The following LAMA2 variants were observed in gnomAD, a reference collection of about 807,000 sequenced individuals.
LAMA2 encodes the protein laminin subunit alpha-2.
LAMA2 carries 269 observed loss-of-function variants against 364.8 expected under a neutral mutation model. The observed-to-expected ratio is 0.74, with a 90% CI of 0.67 to 0.82. The LOEUF is 0.82. Among genes scored for constraint, LAMA2 ranks in the 40% least tolerant of loss-of-function variants. LAMA2 has a pLI of 0.00. For synonymous variants in LAMA2, 1,379 were observed against 1,370.6 expected (o/e 1.01, Z -0.14); for missense variants, 3,807 against 3,873.2 (o/e 0.98, Z 0.45).
Position 128,883,482 on chromosome 6 carries a change from T to A in LAMA2, c.112+125T>A. The A allele has an allele frequency of 2.0e-6, 3 of 1,481,284 alleles. No homozygotes were observed. The East Asian group carries it at 7.4e-5, about 37-fold the overall frequency. 91.8% of individuals were successfully genotyped at this position (1,481,284 alleles called of 1,614,324 possible). On this transcript the variant is annotated intron_variant, in intron 1 of 64. Coordinates refer to ENST00000421865, the MANE Select transcript of LAMA2 (RefSeq NM_000426.4). ...TGCTTCGCCTTCAGAGAGTGCGCTC[T>A]GGGGCAAGAGGAACTTGAAGCAAGT... is the stretch of plus-strand genomic sequence containing the variant.
chr6:128,950,514 A>G (rs1780744968), intron 1 of LAMA2, among the ~76,000 whole-genome samples: 1 of 152,160 alleles, frequency 6.6e-6, no homozygotes, highest in Non-Finnish European at 1.5e-5. Flanking sequence ...TCTTATGGAC[A>G]TTTTATTTAC....
intron 1 of LAMA2, among the ~76,000 whole-genome samples, chr6:128,921,711 T>C (rs535168567): frequency 7.2e-6 from 1 of 138,710 alleles, no homozygotes; most frequent in Non-Finnish European, 1.6e-5. Context: ...TTTTTTTTTT[T>C]TTATTATTAT....
chr6:128,997,427 T>C (rs1047703099), intron 1 of LAMA2, among the ~76,000 whole-genome samples: 2 of 146,810 alleles, frequency 1.4e-5, no homozygotes, highest in African/African-American at 2.5e-5. Context: ...GTGACTAGAG[T>C]GAAGTAAGAG....
intron 1 of LAMA2, among the ~76,000 whole-genome samples, chr6:128,973,045 G>A (rs989175538): frequency 2.6e-5 from 4 of 152,066 alleles, no homozygotes; most frequent in East Asian, 3.9e-4. Flanking sequence ...ATTAGACAAC[G>A]TATTAATTTA....
At chr6:129,275,724 T>TAAAA (rs5879937) in intron 17 of LAMA2, among the ~76,000 whole-genome samples, 2 of 144,532 alleles carry the variant, frequency 1.4e-5, no homozygotes, top group Non-Finnish European at 3.0e-5. Context: ...TAAAAATTTG[T>TAAAA]AAAAAAAAAA....
At position 129,416,230 on chromosome 6, in the gene LAMA2, G is replaced by A. The variant is rs1780782287; in HGVS notation, c.5866-11522G>A. ...GCTGGGATTACAGGCGTGAGCCACC[G>A]CGCCCGGCCGAAATTATACACTTTC... On this transcript the variant is annotated intron_variant, in intron 40 of 64. Coordinates refer to ENST00000421865, the MANE Select transcript of LAMA2 (RefSeq NM_000426.4). Among the ~76,000 whole-genome samples, 3 of 38,792 alleles carry A rather than the reference G, an allele frequency of 7.7e-5. 1 individual carries two copies. The highest frequency in any genetic ancestry group is 8.9e-4 in the South Asian group (1 of 1,126). 25.4% of individuals were successfully genotyped at this position (38,792 alleles called of 152,430 possible).
intron 1 of LAMA2, among the ~76,000 whole-genome samples, chr6:128,907,729 G>T (rs912005186): frequency 6.6e-6 from 1 of 152,114 alleles, no homozygotes; most frequent in African/African-American, 2.4e-5. Flanking sequence ...CAAAGGGAAT[G>T]CTTCCAGTTT....
At chr6:128,939,603 A>ATT (rs1223364707) in intron 1 of LAMA2, among the ~76,000 whole-genome samples, 14 of 152,178 alleles carry the variant, frequency 9.2e-5, no homozygotes, top group African/African-American at 2.9e-4. Flanking sequence ...ATTCCACCCA[A>ATT]CGATGAAAGA....
At chr6:129,339,745 CTGTAAT>C (rs1218000272) in intron 29 of LAMA2, among the ~76,000 whole-genome samples, 1 of 152,156 alleles carries the variant, frequency 6.6e-6, no homozygotes. Flanking sequence ...CAGCTCCCGC[CTGTAAT>C]CCCAACACTT....
chr6:129,297,370 A>G (rs995669474), intron 20 of LAMA2, among the ~76,000 whole-genome samples: 13 of 152,314 alleles, frequency 8.5e-5, no homozygotes, highest in Non-Finnish European at 1.0e-4. Context: ...AATACCACCT[A>G]TAGGTCCTTT....
chr6:129,223,308 T>C (rs1435862779), intron 12 of LAMA2, among the ~76,000 whole-genome samples: 2 of 151,818 alleles, frequency 1.3e-5, no homozygotes, highest in South Asian at 2.1e-4. Flanking sequence ...TTCACTCTGA[T>C]GGTAGTTTCT....
At chr6:129,021,517 T>C (rs888581446) in intron 1 of LAMA2, among the ~76,000 whole-genome samples, 2 of 152,204 alleles carry the variant, frequency 1.3e-5, no homozygotes, top group African/African-American at 4.8e-5. Context: ...TAAGAAGCTC[T>C]CATGTTATTT....
intron 48 of LAMA2, among the ~76,000 whole-genome samples, chr6:129,456,966 G>A: frequency 6.6e-6 from 1 of 152,158 alleles, no homozygotes; most frequent in South Asian, 2.1e-4. Context: ...ATTCTTATAG[G>A]ATGATGCACT....
chr6:129,113,738 AT>A (rs1296736051), intron 4 of LAMA2, among the ~76,000 whole-genome samples: 2 of 152,020 alleles, frequency 1.3e-5, no homozygotes, highest in African/African-American at 4.8e-5. Context: ...CCTGGGCAAC[AT>A]AAAGTGTGTG....
chr6:129,267,179 G>T lies in LAMA2; in HGVS notation c.2282G>T (p.Gly761Val). 1 of 1,613,262 alleles carries T rather than the reference G, an allele frequency of 6.2e-7. No homozygotes were observed. Among genetic ancestry groups the T allele is most frequent in the Admixed American group, 1.7e-5 (1 of 59,946 alleles). ...GGICEPCQCFGHAESCDDVTG... is the reference protein window; with the variant it reads ...GGICEPCQCFVHAESCDDVTG... ...ATCTGTGAGCCATGTCAGTGCTTTG[G>T]TCATGCGGAGTCCTGTGATGACGTC... is the stretch of plus-strand genomic sequence containing the variant. Residue 761 changes from glycine (G) to valine (V), a missense_variant, in exon 16 of 65, where the codon GGT becomes GTT. Physicochemically the swap from Gly to Val is moderately radical, Grantham distance 109 (BLOSUM62 -3). Around this residue, in one of 3 missense-constraint regions of LAMA2, gnomAD observed 3,333 missense variants for 3,345.7 expected, o/e 1.00. Coordinates refer to ENST00000421865, the MANE Select transcript of LAMA2 (RefSeq NM_000426.4).
chr6:129,454,136 T>G lies in LAMA2; in HGVS notation c.6574-19T>G. The G allele has an allele frequency of 6.2e-7, 1 of 1,609,516 alleles. No homozygotes were observed. The highest frequency in any genetic ancestry group is 2.2e-5 in the East Asian group (1 of 44,768). On this transcript the variant is annotated intron_variant, in intron 46 of 64. Transcript: ENST00000421865. ...GCTTTATATCTGATATCTCTTGTTT[T>G]TGTATTTCTCTGAACTAGATTGACT...
chr6:129,060,718 C>A (rs1788848151), intron 3 of LAMA2, among the ~76,000 whole-genome samples: 1 of 152,200 alleles, frequency 6.6e-6, no homozygotes, highest in Non-Finnish European at 1.5e-5. Context: ...TGGGCCAGAT[C>A]AGCACAAGAC....
chr6:129,284,442 T>C (rs769650359), intron 18 of LAMA2, among the ~76,000 whole-genome samples: 1 of 152,172 alleles, frequency 6.6e-6, no homozygotes, highest in Non-Finnish European at 1.5e-5. Flanking sequence ...TTTTAAAATG[T>C]GTGTTCATTC....
intron 3 of LAMA2, among the ~76,000 whole-genome samples, chr6:129,082,159 G>A (rs4458709): frequency 0.95 from 144,362 of 152,110 alleles, 68,573 homozygotes; most frequent in East Asian, 0.97. Context: ...ATCCTTTTTC[G>A]TAATTTTATT....
Sources: allele counts gnomAD v4.1 joint callset (sites outside exome capture counted in the v4.1 genomes callset), GRCh38; gene constraint gnomAD v4.1.1; regional missense constraint gnomAD v4.1.1; transcripts MANE v1.5; gene names NCBI Gene and HGNC (gene_info 2026-07-23, HGNC 2026-07-21).